UXS1: variants seen among roughly 807,000 people sequenced by gnomAD.
The protein encoded by UXS1 is UDP-glucuronate decarboxylase 1, also known as UDP-glucuronic acid decarboxylase 1.
Under a neutral mutation model 62.6 loss-of-function variants are expected in UXS1, and 33 were observed. That is an observed-to-expected ratio of 0.53 (90% CI 0.40 to 0.70). The LOEUF (loss-of-function observed/expected upper bound fraction) is 0.70, where lower values mean the gene tolerates loss of function less well. UXS1 is among the 30% of genes least tolerant of loss of function. UXS1 has a pLI of 0.00. For synonymous variants in UXS1, 213 were observed against 206.8 expected, an observed-to-expected ratio of 1.03 and a Z score of -0.26; for missense variants, 434 against 556.3, an observed-to-expected ratio of 0.78 and a Z score of 2.21.
chr2:106,171,206 T>C (rs1412732819), intron 1 of UXS1, among the ~76,000 whole-genome samples: 2 of 152,224 alleles, frequency 1.3e-5, no homozygotes, highest in Admixed American at 1.3e-4. Flanking sequence ...ATAAAAATTT[T>C]CATTTAGAGT....
intron 2 of UXS1, among the ~76,000 whole-genome samples, chr2:106,165,601 C>A (rs527360368): frequency 9.2e-5 from 14 of 152,052 alleles, no homozygotes; most frequent in African/African-American, 3.1e-4. Context: ...GAAGCACACA[C>A]GATGCATACA....
intron 5 of UXS1, among the ~76,000 whole-genome samples, chr2:106,147,295 A>C (rs73951230): frequency 6.6e-6 from 1 of 152,160 alleles, no homozygotes; most frequent in Non-Finnish European, 1.5e-5. Context: ...TTTAGACACA[A>C]CTGACCAACG....
intron 14 of UXS1, 31 bp downstream of exon 14, chr2:106,096,687 C>T (rs1354599689): frequency 6.5e-7 from 1 of 1,529,108 alleles, no homozygotes; most frequent in African/African-American, 1.4e-5. Context: ...AGGCCCCTCC[C>T]CACAAGGCAG....
At chr2:106,122,710 T>C (rs1016506032) in intron 9 of UXS1, among the ~76,000 whole-genome samples, 34 of 152,164 alleles carry the variant, frequency 2.2e-4, no homozygotes, top group African/African-American at 8.0e-4. Context: ...CAACTGGCAA[T>C]GAAGAAGCAT....
At chr2:106,140,224 T>C (rs998941476) in intron 6 of UXS1, among the ~76,000 whole-genome samples, 2 of 152,214 alleles carry the variant, frequency 1.3e-5, no homozygotes, top group African/African-American at 4.8e-5. Flanking sequence ...CTGTCGACTG[T>C]TCTGAGCGAG....
At chr2:106,140,790 G>A (rs553900812) in intron 6 of UXS1, among the ~76,000 whole-genome samples, 29 of 152,252 alleles carry the variant, frequency 1.9e-4, no homozygotes, top group African/African-American at 6.5e-4. Context: ...TTATTTTCCT[G>A]GACCTCTTCA....
chr2:106,158,976 C>T (rs1394096370), intron 4 of UXS1, among the ~76,000 whole-genome samples: 1 of 151,956 alleles, frequency 6.6e-6, no homozygotes, highest in African/African-American at 2.4e-5. Context: ...AGTTTAGACA[C>T]CCCCATGATT....
chr2:106,106,985 AT>A (rs199704200), intron 10 of UXS1, among the ~76,000 whole-genome samples: 2 of 151,630 alleles, frequency 1.3e-5, no homozygotes, highest in South Asian at 2.1e-4. Flanking sequence ...CTACCTGTAG[AT>A]TTTTTTTTCT....
intron 1 of UXS1, among the ~76,000 whole-genome samples, chr2:106,187,900 C>G (rs970943420): frequency 1.3e-5 from 2 of 152,102 alleles, no homozygotes; most frequent in African/African-American, 4.8e-5. Context: ...GCCACCATGC[C>G]CAGCTAATTT....
At chr2:106,162,781 A>T (rs1272059856) in intron 4 of UXS1, among the ~76,000 whole-genome samples, 1 of 152,254 alleles carries the variant, frequency 6.6e-6, no homozygotes, top group Non-Finnish European at 1.5e-5. Context: ...GTTGAGGATA[A>T]GAATCAAGTG....
chr2:106,100,797 G>C (rs1175956541), intron 12 of UXS1: 4 of 449,328 alleles, frequency 8.9e-6, no homozygotes, highest in African/African-American at 4.0e-5. Flanking sequence ...CCACCAAAAG[G>C]CTTCACACAA....
intron 10 of UXS1, among the ~76,000 whole-genome samples, chr2:106,105,672 G>A (rs563371267): frequency 4.6e-5 from 7 of 152,330 alleles, no homozygotes; most frequent in African/African-American, 9.6e-5. Flanking sequence ...AGCCCAGCAC[G>A]ATGTGAGGTG....
At chr2:106,180,128 C>T (rs1217045000) in intron 1 of UXS1, among the ~76,000 whole-genome samples, 2 of 152,136 alleles carry the variant, frequency 1.3e-5, no homozygotes, top group Non-Finnish European at 2.9e-5. Flanking sequence ...AGATTTCCTC[C>T]ACATATAAAG....
chr2:106,172,342 A>G (rs951303815), intron 1 of UXS1, among the ~76,000 whole-genome samples: 2 of 152,236 alleles, frequency 1.3e-5, no homozygotes, highest in African/African-American at 4.8e-5. Context: ...ATTGAGACCT[A>G]GGCCTCTAGA....
At chr2:106,150,077 T>A (rs1378838346) in intron 5 of UXS1, among the ~76,000 whole-genome samples, 1 of 152,174 alleles carries the variant, frequency 6.6e-6, no homozygotes, top group African/African-American at 2.4e-5. Context: ...TCTGGCTTTA[T>A]GAAGGCAAAA....
rs1189440200 is a variant in UXS1 at position 106,143,380 on chromosome 2, GCC to G, written c.472+1808_472+1809del. ...GCTGAGATCGTGCCACTGCACTCCA[GCC>G]TGGGCAACAGAGAGAGACTCCGTCT... On this transcript the variant is annotated intron_variant, in intron 6 of 14. Coordinates refer to ENST00000283148, the MANE Select transcript of UXS1 (RefSeq NM_001253875.2). 7.2e-3 allele frequency among the ~76,000 whole-genome samples: 776 copies of G among 108,042 alleles called. 10 individuals carry two copies. Among genetic ancestry groups the G allele is most frequent in the Admixed American group, 0.066 (492 of 7,424 alleles). 70.9% of individuals were successfully genotyped at this position (108,042 alleles called of 152,430 possible). A position where few individuals can be genotyped will look rare whatever the true frequency, so the allele number is the denominator to read the frequency against.
chr2:106,151,440 G>A (rs1006959600), intron 5 of UXS1, among the ~76,000 whole-genome samples: 4 of 152,172 alleles, frequency 2.6e-5, no homozygotes, highest in Admixed American at 1.3e-4. Context: ...TCATTATTGC[G>A]GCAGTGGGTT....
chr2:106,102,876 G>A (rs766038887), intron 11 of UXS1: 1 of 152,240 alleles, frequency 6.6e-6, no homozygotes, highest in Non-Finnish European at 1.5e-5. Context: ...AGTCCCTGAA[G>A]CCTCATCATC....
intron 1 of UXS1, among the ~76,000 whole-genome samples, chr2:106,193,834 A>G (rs1355755140): frequency 6.6e-6 from 1 of 151,670 alleles, no homozygotes. Flanking sequence ...CCAGCGCGAC[A>G]TGGACGACAG....
Sources: gnomAD v4.1 joint callset for allele counts (sites outside exome capture counted in the v4.1 genomes callset) on GRCh38, gnomAD v4.1.1 for gene constraint, MANE v1.5 for transcripts, NCBI Gene and HGNC (gene_info 2026-07-23, HGNC 2026-07-21) for gene names.